Variants in MBD1 observed in about 807,000 individuals in gnomAD.
The protein encoded by MBD1 is methyl-CpG-binding domain protein 1.
In MBD1, 25 loss-of-function variants were observed where a neutral mutation model predicts 82.6. The observed-to-expected ratio is 0.30, with a 90% CI of 0.22 to 0.42. MBD1 has a LOEUF of 0.42. MBD1 is among the 10% of genes least tolerant of loss of function. The pLI, the probability that MBD1 is intolerant of heterozygous loss-of-function variation, is 1.00. For synonymous variants in MBD1, 301 were observed against 303.7 expected, an observed-to-expected ratio of 0.99 and a Z score of 0.09; for missense variants, 627 against 819.6, an observed-to-expected ratio of 0.76 and a Z score of 2.87.
intron 8 of MBD1, 161 bp downstream of exon 8, chr18:50,275,439 A>T (rs1225713999): frequency 5.6e-6 from 9 of 1,601,360 alleles, no homozygotes; most frequent in Non-Finnish European, 7.7e-6. Flanking sequence ...GGCGGTGAGC[A>T]AGGTGCTGGC....
At chr18:50,280,958 C>T (rs939034976) in intron 1 of MBD1, among the ~76,000 whole-genome samples, 3 of 152,132 alleles carry the variant, frequency 2.0e-5, no homozygotes, top group Non-Finnish European at 2.9e-5. Context: ...TGCTCCTCGT[C>T]CTCTATATGG....
intron 1 of MBD1, chr18:50,281,149 T>C (rs1226304527): frequency 6.5e-7 from 1 of 1,532,800 alleles, no homozygotes; most frequent in Admixed American, 2.0e-5. Context: ...CGTCCCAGGA[T>C]CCCGACACTC....
chr18:50,281,630 C>A (rs1044431828), upstream of MBD1: 7 of 440,154 alleles, frequency 1.6e-5, no homozygotes, highest in Admixed American at 2.0e-4. Flanking sequence ...CCCGCGCCTA[C>A]GGGCCGGCGC....
rs918365302 is a variant in MBD1, at chr18:50,269,117, C to T, written c.*734G>A. 9.7e-7 allele frequency: 1 copy of T among 1,029,282 alleles called. No individual in the cohort carries two copies. The highest frequency in any genetic ancestry group is 1.7e-5 in the African/African-American group (1 of 58,264). 63.8% of individuals were successfully genotyped at this position (1,029,282 alleles called of 1,614,324 possible). A position where few individuals can be genotyped will look rare whatever the true frequency, so the allele number is the denominator to read the frequency against. On this transcript the variant is annotated 3_prime_UTR_variant, in exon 17 of 17. Coordinates refer to ENST00000269468, the MANE Select transcript of MBD1 (RefSeq NM_015846.4). ...ATCCTAGTATTAAGTACAGTGCCTA[C>T]CACAGGCCAGGTTCTCAATACTTGA... is the stretch of plus-strand genomic sequence containing the variant.
Position 50,273,282 on chromosome 18 carries a change from C to T in MBD1, c.1584+52G>A. 11 of 1,609,250 alleles carry T rather than the reference C, an allele frequency of 6.8e-6. 1 individual carries two copies. The South Asian group carries it at 1.2e-4, about 18-fold the overall frequency. On this transcript the variant is annotated intron_variant, in intron 13 of 16. Transcript: ENST00000269468. ...ACCATCATGGCTCATCATCACTCTGCTTACAGACCACTCCGCTACGGCACC... is the reference window on the plus strand; with the variant it reads ...ACCATCATGGCTCATCATCACTCTGTTTACAGACCACTCCGCTACGGCACC...
In MBD1 at chr18:50,273,543, AGGACAGGGT is replaced by A; in HGVS notation, c.1446+12_1446+20del. ...TGCAGCTGGGTGAGGCTGGGAAGGC[AGGACAGGGT>A]GGGGCCCTCACCTGCAACAGGGCTT... On this transcript the variant is annotated intron_variant, in intron 12 of 16. Coordinates refer to ENST00000269468, the MANE Select transcript of MBD1 (RefSeq NM_015846.4). The A allele has an allele frequency of 6.2e-7, 1 of 1,613,240 alleles. No individual in the cohort carries two copies. The highest frequency in any genetic ancestry group is 8.5e-7 in the Non-Finnish European group (1 of 1,180,012).
Position 50,269,768 on chromosome 18 carries a change from G to A in MBD1, c.*83C>T, listed in dbSNP as rs778889529. The A allele has an allele frequency of 1.3e-6, 1 of 783,092 alleles. No homozygotes were observed. 48.5% of individuals were successfully genotyped at this position (783,092 alleles called of 1,614,324 possible). ...GCTCGTGGGCTCCACTGTGTCCTCGGTCTCCCACACTTTACATCCATCTTC... is the reference window on the plus strand; with the variant it reads ...GCTCGTGGGCTCCACTGTGTCCTCGATCTCCCACACTTTACATCCATCTTC... On this transcript the variant is annotated 3_prime_UTR_variant, in exon 17 of 17. Transcript: ENST00000269468.
At chr18:50,281,086 A>T (rs1424412839) in intron 1 of MBD1, 31 of 1,402,892 alleles carry the variant, frequency 2.2e-5, no homozygotes, top group Non-Finnish European at 2.9e-5. Context: ...TCAACTTCAG[A>T]TGCCCCGATG....
intron 16 of MBD1, chr18:50,270,927 G>T: frequency 5.0e-6 from 3 of 604,574 alleles, no homozygotes; most frequent in Non-Finnish European, 4.2e-6. Context: ...GTTCGACATT[G>T]GACAAATTAA....
At chr18:50,279,175 T>C (rs1215666923) in intron 2 of MBD1, among the ~76,000 whole-genome samples, 4 of 152,218 alleles carry the variant, frequency 2.6e-5, no homozygotes, top group Non-Finnish European at 5.9e-5. Flanking sequence ...CAGGGTAACA[T>C]GACTTTGGCT....
upstream of MBD1, chr18:50,281,627 C>T: frequency 2.3e-6 from 1 of 444,198 alleles, no homozygotes; most frequent in South Asian, 5.9e-5. Context: ...GCTCCCGCGC[C>T]TACGGGCCGG....
downstream of MBD1, chr18:50,267,629 A>T: frequency 6.5e-7 from 1 of 1,536,122 alleles, no homozygotes; most frequent in Non-Finnish European, 8.7e-7. Context: ...TGGTAACCAC[A>T]GTTGCATTTC....
intron 2 of MBD1, among the ~76,000 whole-genome samples, chr18:50,278,558 A>C (rs1312382126): frequency 6.6e-6 from 1 of 152,250 alleles, no homozygotes; most frequent in Non-Finnish European, 1.5e-5. Flanking sequence ...AATTATAACT[A>C]AATATAAACA....
intron 6 of MBD1, 165 bp from the exon 7 acceptor site, chr18:50,276,146 AG>A: frequency 1.1e-6 from 1 of 926,454 alleles, no homozygotes. Flanking sequence ...TGAGGCCATT[AG>A]TATGTCTACT....
rs1290612759 is a variant in MBD1 at position 50,269,463 on chromosome 18, T to C, written c.*388A>G. Reference sequence around the variant, plus strand: ...GCACATTGTTTTTACACTTGGAAGGTTGGTGCTGGGGCACCAGGCGTTGTT... The same window carrying C: ...GCACATTGTTTTTACACTTGGAAGGCTGGTGCTGGGGCACCAGGCGTTGTT... On this transcript the variant is annotated 3_prime_UTR_variant, in exon 17 of 17. Coordinates refer to ENST00000269468, the MANE Select transcript of MBD1 (RefSeq NM_015846.4). 36 of 752,898 alleles carry C rather than the reference T, an allele frequency of 4.8e-5. No individual in the cohort carries two copies. The highest frequency in any genetic ancestry group is 3.4e-4 in the South Asian group (21 of 62,642). The allele number at this position is 752,898 out of a possible 1,614,324, so 46.6% of individuals were successfully genotyped here.
At chr18:50,270,684 T>A (rs1300930010) in intron 16 of MBD1, 5 of 239,700 alleles carry the variant, frequency 2.1e-5, no homozygotes, top group Admixed American at 9.5e-5. Flanking sequence ...CCAGTTTCTG[T>A]ATGAACAGAT....
At position 50,269,198 on chromosome 18, in the gene MBD1, G is replaced by C. The variant is rs2034466988; in HGVS notation, c.*653C>G. ...AAGTTTTTTCTGGGTGGGCTTCATA[G>C]AATCTCTGTACTTGCTGGAATCACC... On this transcript the variant is annotated 3_prime_UTR_variant, in exon 17 of 17. Coordinates refer to ENST00000269468, the MANE Select transcript of MBD1 (RefSeq NM_015846.4). The C allele has an allele frequency of 9.6e-7, 1 of 1,043,548 alleles. No individual in the cohort carries two copies. The allele number at this position is 1,043,548 out of a possible 1,614,324, so 64.6% of individuals were successfully genotyped here. A position where few individuals can be genotyped will look rare whatever the true frequency, so the allele number is the denominator to read the frequency against.
intron 16 of MBD1, chr18:50,270,319 G>C (rs2034986548): frequency 2.7e-6 from 2 of 740,706 alleles, no homozygotes; most frequent in Non-Finnish European, 4.9e-6. Context: ...TCCTGGCCCT[G>C]TAAAGCTGGC....
chr18:50,273,813 C>T lies in MBD1; in HGVS notation c.1197G>A (p.Ser399=), dbSNP rs200586077. ...TCTTTCGACGACGGTAAGGTGGGGG[C>T]GATCCTGCCCCATCCTCAGACTCTG... The part of the protein sequence containing the change: ...VWSESEDGAG[S]PPPYRRRKRP... Residue 399 remains serine (S), a synonymous_variant, in exon 12 of 17, where the codon TCG becomes TCA. Transcript: ENST00000269468. 1.1e-4 allele frequency: 173 copies of T among 1,613,568 alleles called. No homozygotes were observed. The highest frequency in any genetic ancestry group is 1.6e-4 in the Middle Eastern group (1 of 6,062).
Sources: allele counts gnomAD v4.1 joint callset (sites outside exome capture counted in the v4.1 genomes callset), GRCh38; gene constraint gnomAD v4.1.1; transcripts MANE v1.5; gene names NCBI Gene and HGNC (gene_info 2026-07-23, HGNC 2026-07-21).